Variants in ENTR1 observed in about 807,000 individuals in gnomAD.
The protein encoded by ENTR1 is endosome-associated-trafficking regulator 1.
A neutral mutation model predicts 47.9 loss-of-function variants in ENTR1; 47 were observed. The ratio of observed to expected loss-of-function variants is 0.98; its 90% CI spans 0.78 to 1.25. The LOEUF is 1.25. Among genes scored for constraint, ENTR1 ranks in the 50% most tolerant of loss-of-function variants. The probability of loss-of-function intolerance (pLI) is 0.00; values close to 1 mark genes in which losing one functional copy is unlikely to be tolerated. For synonymous variants in ENTR1, 290 were observed against 245.8 expected, an observed-to-expected ratio of 1.18 and a Z score of -1.68; for missense variants, 668 against 570.5, an observed-to-expected ratio of 1.17 and a Z score of -1.74.
At chr9:136,404,297 A>G in intron 8 of ENTR1, 103 bp from the exon 9 acceptor site, 1 of 1,466,616 alleles carries the variant, frequency 6.8e-7, no homozygotes, top group South Asian at 1.3e-5. Flanking sequence ...CCTGGCACTC[A>G]AGATGCATGC....
In ENTR1 at chr9:136,407,563, T is replaced by TA. The variant is rs36076555; in HGVS notation, c.403-3dup. The stretch of plus-strand genomic sequence containing the variant: ...TCCCAGGGAATGCCTCGAGGCTTCC[T>TA]AAAAAAAAAAAAAAAAAAAAAACAA... On this transcript the variant is annotated splice_polypyrimidine_tract_variant and splice_region_variant and intron_variant, in intron 4 of 9. Coordinates refer to ENST00000357365, the MANE Select transcript of ENTR1 (RefSeq NM_001039707.2). 0.038 allele frequency: 49,227 copies of TA among 1,293,638 alleles called. 9 individuals are homozygous for TA. The highest frequency in any genetic ancestry group is 0.098 in the South Asian group (5,571 of 56,914). The allele number at this position is 1,293,638 out of a possible 1,614,324, so 80.1% of individuals were successfully genotyped here.
chr9:136,409,842 C>A, intron 2 of ENTR1: 2 of 635,094 alleles, frequency 3.1e-6, no homozygotes, highest in Non-Finnish European at 6.0e-6. Context: ...ACGAGGAAAG[C>A]GGGCGGGCTC....
At chr9:136,405,408 CCAA>C in intron 6 of ENTR1, 1 of 550,128 alleles carries the variant, frequency 1.8e-6, no homozygotes, top group Non-Finnish European at 3.3e-6. Flanking sequence ...CACTGCTGCT[CCAA>C]CAAGGTGTTT....
At chr9:136,409,890 T>C (rs1259709303) in intron 2 of ENTR1, 200 bp downstream of exon 2, 2 of 734,422 alleles carry the variant, frequency 2.7e-6, no homozygotes, top group Admixed American at 4.0e-5. Context: ...GTACTGGAAC[T>C]GTCTGTCTTG....
intron 3 of ENTR1, 110 bp downstream of exon 3, chr9:136,408,889 T>G: frequency 1.3e-5 from 10 of 780,388 alleles, no homozygotes; most frequent in Non-Finnish European, 2.0e-5. Context: ...CACCTGCTCT[T>G]TTGGGCTCCA....
In ENTR1 at chr9:136,410,432, C is replaced by A; in HGVS notation, c.-35G>T. ...CCCGGCGGGGCACGACCTGCCTAGC[C>A]CGGCAGCGGCGGCTCCATGGCCCCG... On this transcript the variant is annotated 5_prime_UTR_variant, in exon 1 of 10. Transcript: ENST00000357365. 1 of 1,200,316 alleles carries A rather than the reference C, an allele frequency of 8.3e-7. No individual in the cohort carries two copies. Among genetic ancestry groups the A allele is most frequent in the South Asian group, 3.2e-5 (1 of 31,382 alleles). 74.4% of individuals were successfully genotyped at this position (1,200,316 alleles called of 1,614,324 possible). A position where few individuals can be genotyped will look rare whatever the true frequency, so the allele number is the denominator to read the frequency against.
rs1274246263 is a variant in ENTR1, at chr9:136,402,072, G to A, written c.*716C>T. The A allele has an allele frequency of 6.5e-6, 1 of 152,788 alleles. No homozygotes were observed. The highest frequency in any genetic ancestry group is 2.4e-5 in the African/African-American group (1 of 41,458). The allele number at this position is 152,788 out of a possible 1,614,324, so 9.5% of individuals were successfully genotyped here. A position where few individuals can be genotyped will look rare whatever the true frequency, so the allele number is the denominator to read the frequency against. On this transcript the variant is annotated 3_prime_UTR_variant, in exon 10 of 10. Coordinates refer to ENST00000357365, the MANE Select transcript of ENTR1 (RefSeq NM_001039707.2). The stretch of plus-strand genomic sequence containing the variant: ...GAGGGGGGCCGTCAGAAAGGCAACT[G>A]GGACCTGACAGACCCGGGCACATAC...
intron 7 of ENTR1, 60 bp from the exon 8 acceptor site, chr9:136,404,753 G>A (rs1201146391): frequency 6.3e-7 from 1 of 1,576,108 alleles, no homozygotes; most frequent in Non-Finnish European, 8.7e-7. Context: ...ATTCATACCG[G>A]ACACGGGCCC....
At chr9:136,409,926 G>A (rs1381253825) in intron 2 of ENTR1, 164 bp downstream of exon 2, 3 of 860,526 alleles carry the variant, frequency 3.5e-6, no homozygotes, top group East Asian at 2.6e-5. Context: ...CAACCAGACT[G>A]TGAGCTCCTA....
rs965165887 is a variant in ENTR1 at position 136,408,866 on chromosome 9, G to C, written c.289+133C>G. 6.0e-6 allele frequency: 4 copies of C among 671,632 alleles called. No individual in the cohort carries two copies. The African/African-American group carries it at 7.2e-5, about 12-fold the overall frequency. The allele number at this position is 671,632 out of a possible 1,614,324, so 41.6% of individuals were successfully genotyped here. On this transcript the variant is annotated intron_variant, in intron 3 of 9. Transcript: ENST00000357365. ...ACTCTAGGATCAAGACTGAACCCTT[G>C]AAATCCCACCCCCACCTGCTCTTTT...
At position 136,404,180 on chromosome 9, in the gene ENTR1, G is replaced by T; in HGVS notation, c.1083C>A (p.Asn361Lys). The change falls in exon 9 of 10, where the codon AAC (asparagine) becomes AAA (lysine). Residue 361 changes from asparagine (N) to lysine (K), a missense_variant. Coordinates refer to ENST00000357365, the MANE Select transcript of ENTR1 (RefSeq NM_001039707.2). ...GCAGGGCTTCATTCTCTCGCTGGAA[G>T]TTGGAGACCTGCGCCTGGGGGGACG... The part of the protein sequence containing the change: ...EISLLQAQVS[N>K]FQRENEALRC... The T allele has an allele frequency of 6.2e-7, 1 of 1,609,102 alleles. No homozygotes were observed. Among genetic ancestry groups the T allele is most frequent in the Non-Finnish European group, 8.5e-7 (1 of 1,177,274 alleles).
intron 1 of ENTR1, 38 bp downstream of exon 1, chr9:136,410,290 C>G (rs1378568198): frequency 6.4e-7 from 1 of 1,551,022 alleles, no homozygotes; most frequent in African/African-American, 1.4e-5. Flanking sequence ...CGGCCGCCGC[C>G]CACCTGGACC....
Position 136,409,031 on chromosome 9 carries a change from C to G in ENTR1, c.257G>C (p.Ser86Thr). The G allele has an allele frequency of 6.2e-7, 1 of 1,614,012 alleles. No homozygotes were observed. The highest frequency in any genetic ancestry group is 1.7e-5 in the Admixed American group (1 of 60,016). The change falls in exon 3 of 10, where the codon AGC becomes ACC. Residue 86 changes from serine (S) to threonine (T), a missense_variant. Transcript: ENST00000357365. The stretch of plus-strand genomic sequence containing the variant: ...ATGTGTCCCGTGGGCTCCTGACGGG[C>G]TCTGCTTAGAACATTTCCCCTTTCC... The part of the protein sequence containing the change: ...GYGKGKCSKQ[S>T]PSGAHGTHFG...
At position 136,404,578 on chromosome 9, in the gene ENTR1, T is replaced by C; in HGVS notation, c.1068+53A>G. 1.5e-5 allele frequency: 24 copies of C among 1,575,482 alleles called. No individual in the cohort carries two copies. In the South Asian group the frequency reaches 2.6e-4, roughly 17 times the overall value. ...TTTCGCCTCTTTCTTACTGAATTCA[T>C]TATGTGACTCCACAAATCAAAGAAA... is the stretch of plus-strand genomic sequence containing the variant. On this transcript the variant is annotated intron_variant, in intron 8 of 9. Transcript: ENST00000357365.
intron 4 of ENTR1, 78 bp downstream of exon 4, chr9:136,407,748 C>A: frequency 7.2e-7 from 1 of 1,379,738 alleles, no homozygotes; most frequent in Non-Finnish European, 1.0e-6. Flanking sequence ...CACTCATGCA[C>A]GATTCCTCCA....
chr9:136,404,522 G>T, intron 8 of ENTR1, 109 bp downstream of exon 8: 2 of 1,205,554 alleles, frequency 1.7e-6, no homozygotes, highest in Non-Finnish European at 2.4e-6. Flanking sequence ...TCCTTTCTCT[G>T]CTTGGGCTCA....
chr9:136,402,839 A>G lies in ENTR1; in HGVS notation c.1257T>C (p.Leu419=). 3.1e-6 allele frequency: 5 copies of G among 1,613,164 alleles called. No individual in the cohort carries two copies. Among genetic ancestry groups the G allele is most frequent in the Non-Finnish European group, 4.2e-6 (5 of 1,179,842 alleles). ...CTTCAGAAATTCTGTCTATAGATTT[A>G]AGGATTTCGGCAACAAGATTCAGTG... ...AETLNLVAEI[L]KSIDRISEVK... The change falls in exon 10 of 10, where the codon CTT becomes CTC. Residue 419 remains leucine (L), a synonymous_variant. Transcript: ENST00000357365.
At chr9:136,408,933 C>T (rs1834922338) in intron 3 of ENTR1, 66 bp downstream of exon 3, 3 of 1,354,002 alleles carry the variant, frequency 2.2e-6, no homozygotes, top group South Asian at 2.3e-5. Flanking sequence ...TTGACAGTCC[C>T]ACCAGACACG....
At chr9:136,409,375 T>G (rs1467691671) in intron 2 of ENTR1, among the ~76,000 whole-genome samples, 1 of 151,798 alleles carries the variant, frequency 6.6e-6, no homozygotes, top group Admixed American at 6.6e-5. Flanking sequence ...TAGAGACGGG[T>G]TTTCACCCTG....
Sources: allele counts gnomAD v4.1 joint callset (sites outside exome capture counted in the v4.1 genomes callset), GRCh38; gene constraint gnomAD v4.1.1; transcripts MANE v1.5; gene names NCBI Gene and HGNC (gene_info 2026-07-23, HGNC 2026-07-21).